The following RAB3GAP1 variants were observed in gnomAD, a reference collection of about 807,000 sequenced individuals.
The protein encoded by RAB3GAP1 is RAB3 GTPase activating protein catalytic subunit 1, also known as rab3 GTPase-activating protein catalytic subunit.
A neutral mutation model predicts 130.7 loss-of-function variants in RAB3GAP1; 86 were observed. The observed-to-expected ratio is 0.66, with a 90% confidence interval of 0.55 to 0.79. The LOEUF is 0.79. Among genes scored for constraint, RAB3GAP1 ranks in the 30% least tolerant of loss-of-function variants. The pLI, the probability that RAB3GAP1 is intolerant of heterozygous loss-of-function variation, is 0.00. For missense variants in RAB3GAP1, 1,029 were observed against 1,169.4 expected, an observed-to-expected ratio of 0.88 and a Z score of 1.75; for synonymous variants, 367 against 401.7, an observed-to-expected ratio of 0.91 and a Z score of 1.03.
At chr2:135,084,781 T>TA (rs1689928854) in intron 3 of RAB3GAP1, among the ~76,000 whole-genome samples, 1 of 152,176 alleles carries the variant, frequency 6.6e-6, no homozygotes, top group East Asian at 1.9e-4. Context: ...CAAAGATGAA[T>TA]AGAACAATAG....
chr2:135,166,918 T>A (rs1353317946), intron 23 of RAB3GAP1, among the ~76,000 whole-genome samples: 2 of 152,178 alleles, frequency 1.3e-5, no homozygotes, highest in Non-Finnish European at 2.9e-5. Flanking sequence ...CATTATGTCA[T>A]TTAAGAAAAG....
In RAB3GAP1 at chr2:135,132,930, A is replaced by T; in HGVS notation, c.1272A>T (p.Leu424Phe). 1 of 1,583,854 alleles carries T rather than the reference A, an allele frequency of 6.3e-7. No individual in the cohort carries two copies. Among genetic ancestry groups the T allele is most frequent in the Non-Finnish European group, 8.7e-7 (1 of 1,152,828 alleles). Residue 424 changes from leucine to phenylalanine, a missense_variant, in exon 14 of 24, where the codon TTA (leucine) becomes TTT (phenylalanine). Physicochemically the swap from Leu to Phe is conservative, Grantham distance 22 (BLOSUM62 0). Transcript: ENST00000264158. ...CTGATGCTGTTTCTGAGAAACCATT[A>T]GATGGAACTACTTCAACAGATAATA... ...LFPDAVSEKPLDGTTSTDNNN... is the reference protein window; with the variant it reads ...LFPDAVSEKPFDGTTSTDNNN...
intron 5 of RAB3GAP1, 128 bp from the exon 6 acceptor site, chr2:135,113,023 A>C: frequency 1.5e-6 from 2 of 1,323,796 alleles, no homozygotes; most frequent in Non-Finnish European, 2.1e-6. Flanking sequence ...TTGCCATTAA[A>C]AGAAACACTT....
intron 8 of RAB3GAP1, 77 bp downstream of exon 8, chr2:135,120,995 T>G: frequency 9.4e-7 from 1 of 1,059,750 alleles, no homozygotes; most frequent in South Asian, 1.3e-5. Flanking sequence ...TAAAATTACT[T>G]AACAAGAGTT....
intron 19 of RAB3GAP1, 92 bp downstream of exon 19, chr2:135,153,968 C>T: frequency 8.5e-7 from 1 of 1,170,362 alleles, no homozygotes; most frequent in African/African-American, 1.5e-5. Context: ...GTTTTGGACA[C>T]ACTTGAGGTG....
rs533554197 is a variant in RAB3GAP1 at position 135,055,335 on chromosome 2, G to A, written c.75-2676G>A. Among the ~76,000 whole-genome samples, 71 of 152,270 alleles carry A rather than the reference G, an allele frequency of 4.7e-4. 1 individual carries two copies. The highest frequency in any genetic ancestry group is 3.4e-3 in the Middle Eastern group (1 of 294). On this transcript the variant is annotated intron_variant, in intron 2 of 23. Coordinates refer to ENST00000264158, the MANE Select transcript of RAB3GAP1 (RefSeq NM_012233.3). ...TCAATACTTGTAGGATAAAGTCCAA[G>A]TCTCTTAGCTAGTACTGATAGAATT...
In RAB3GAP1 at chr2:135,113,287, T is replaced by A. The variant is rs185621373; in HGVS notation, c.482+17T>A. ...CACTGGCTGGTGAGTGGACATTTTTTAAAACCTAGACAAAAAAACTGTTTT... is the reference window on the plus strand; with the variant it reads ...CACTGGCTGGTGAGTGGACATTTTTAAAAACCTAGACAAAAAAACTGTTTT... On this transcript the variant is annotated intron_variant, in intron 6 of 23. Transcript: ENST00000264158. 1.2e-6 allele frequency: 2 copies of A among 1,613,944 alleles called. No homozygotes were observed. Among genetic ancestry groups the A allele is most frequent in the Non-Finnish European group, 1.7e-6 (2 of 1,179,802 alleles).
At chr2:135,107,915 C>T (rs1246462285) in intron 5 of RAB3GAP1, among the ~76,000 whole-genome samples, 1 of 129,014 alleles carries the variant, frequency 7.8e-6, no homozygotes, top group East Asian at 2.6e-4. Context: ...ATGGAGGTTG[C>T]AGTGAGCCGA....
At position 135,168,528 on chromosome 2, in the gene RAB3GAP1, A is replaced by G. The variant is rs531266433; in HGVS notation, c.2710-17A>G. ...CATTTGACCTGCTTTTGACTTTAGC[A>G]TTTGATTCTTTTCCAGGCTGCAGCT... is the stretch of plus-strand genomic sequence containing the variant. On this transcript the variant is annotated splice_polypyrimidine_tract_variant and intron_variant, in intron 23 of 23. Coordinates refer to ENST00000264158, the MANE Select transcript of RAB3GAP1 (RefSeq NM_012233.3). 1 of 1,606,378 alleles carries G rather than the reference A, an allele frequency of 6.2e-7. No homozygotes were observed.
At chr2:135,094,446 C>G (rs1226809120) in intron 5 of RAB3GAP1, among the ~76,000 whole-genome samples, 1 of 152,130 alleles carries the variant, frequency 6.6e-6, no homozygotes, top group Non-Finnish European at 1.5e-5. Context: ...TTATTGTTAA[C>G]TATAGGCACC....
chr2:135,102,381 T>C (rs562395029), intron 5 of RAB3GAP1, among the ~76,000 whole-genome samples: 2 of 152,338 alleles, frequency 1.3e-5, no homozygotes, highest in African/African-American at 4.8e-5. Context: ...GTGAGACCTG[T>C]TTCAGACTTC....
intron 2 of RAB3GAP1, among the ~76,000 whole-genome samples, chr2:135,056,355 A>G (rs1449517798): frequency 1.3e-5 from 2 of 151,834 alleles, no homozygotes; most frequent in Admixed American, 6.6e-5. Flanking sequence ...GGTGCCTGCC[A>G]CCGCGCCTGG....
At chr2:135,136,441 C>G (rs1468551772) in intron 17 of RAB3GAP1, among the ~76,000 whole-genome samples, 1 of 152,110 alleles carries the variant, frequency 6.6e-6, no homozygotes, top group Admixed American at 6.5e-5. Flanking sequence ...AATCAAGGAC[C>G]TTTAAAAGAT....
intron 14 of RAB3GAP1, 63 bp from the exon 15 acceptor site, chr2:135,133,798 T>G: frequency 1.4e-6 from 2 of 1,451,688 alleles, no homozygotes; most frequent in Non-Finnish European, 1.9e-6. Flanking sequence ...TACGACCTTT[T>G]CAGTTATATG....
rs1558785499 is a variant in RAB3GAP1, at chr2:135,119,089, TCCC to T, written c.649-1729_649-1727del. Among the ~76,000 whole-genome samples the T allele has an allele frequency of 9.4e-3, 912 of 96,518 alleles. 12 individuals are homozygous for T. Among genetic ancestry groups the T allele is most frequent in the African/African-American group, 0.033 (854 of 25,614 alleles). 63.3% of individuals were successfully genotyped at this position (96,518 alleles called of 152,430 possible). On this transcript the variant is annotated intron_variant, in intron 7 of 23. Coordinates refer to ENST00000264158, the MANE Select transcript of RAB3GAP1 (RefSeq NM_012233.3). Reference sequence around the variant, plus strand: ...CTTCCTTCCTCCCTCCCTCCCTCCCTCCCTCCCTTCCTTCCTTCCTTCTGTCCT... The same window carrying T: ...CTTCCTTCCTCCCTCCCTCCCTCCCTTCCCTTCCTTCCTTCCTTCTGTCCT...
At chr2:135,150,614 G>T in intron 18 of RAB3GAP1, 108 bp downstream of exon 18, 1 of 1,418,422 alleles carries the variant, frequency 7.1e-7, no homozygotes, top group Non-Finnish European at 9.8e-7. Flanking sequence ...TTTTTGTTAA[G>T]TGTTTGGATT....
intron 19 of RAB3GAP1, among the ~76,000 whole-genome samples, chr2:135,158,733 A>C (rs1013102493): frequency 3.3e-5 from 5 of 152,184 alleles, no homozygotes; most frequent in African/African-American, 1.2e-4. Flanking sequence ...TTCTCTATAG[A>C]GTGCTTCTGC....
intron 23 of RAB3GAP1, among the ~76,000 whole-genome samples, chr2:135,166,796 A>G (rs1692667002): frequency 6.6e-6 from 1 of 152,182 alleles, no homozygotes; most frequent in African/African-American, 2.4e-5. Context: ...CACTTAATAT[A>G]CTTAAGATAT....
intron 17 of RAB3GAP1, among the ~76,000 whole-genome samples, chr2:135,137,678 A>G (rs140745868): frequency 1.1e-3 from 162 of 152,330 alleles, no homozygotes; most frequent in Non-Finnish European, 2.2e-3. Context: ...ATATAGAGAG[A>G]ACAAAAGTAA....
Sources: gnomAD v4.1 joint callset for allele counts (sites outside exome capture counted in the v4.1 genomes callset) on GRCh38, gnomAD v4.1.1 for gene constraint, MANE v1.5 for transcripts, NCBI Gene and HGNC (gene_info 2026-07-23, HGNC 2026-07-21) for gene names.